Variants in SEMA3E observed in about 807,000 individuals in gnomAD.
SEMA3E encodes the protein semaphorin 3E.
In SEMA3E, 49 loss-of-function variants were observed where a neutral mutation model predicts 93.6. The observed-to-expected ratio is 0.52, with a 90% confidence interval of 0.42 to 0.66. The LOEUF is 0.66. Ranked by LOEUF, SEMA3E falls within the 30% of genes least tolerant of loss-of-function variation. The pLI, the probability that SEMA3E is intolerant of heterozygous loss-of-function variation, is 0.00. For missense variants in SEMA3E, 906 were observed against 964.8 expected (o/e 0.94, Z 0.81); for synonymous variants, 363 against 330.7 (o/e 1.10, Z -1.06).
At chr7:83,514,587 A>G (rs371651012) in intron 1 of SEMA3E, among the ~76,000 whole-genome samples, 7 of 152,294 alleles carry the variant, frequency 4.6e-5, no homozygotes, top group African/African-American at 7.2e-5. Flanking sequence ...TGCATACCAA[A>G]CATTAAATAT....
chr7:83,509,513 T>A (rs1003070136), intron 1 of SEMA3E, among the ~76,000 whole-genome samples: 2 of 152,182 alleles, frequency 1.3e-5, no homozygotes, highest in African/African-American at 2.4e-5. Context: ...AAATTTACCT[T>A]ACCCTTCCCC....
chr7:83,628,108 T>C (rs922110561), intron 1 of SEMA3E, among the ~76,000 whole-genome samples: 2 of 152,180 alleles, frequency 1.3e-5, no homozygotes, highest in African/African-American at 4.8e-5. Context: ...AATTCTGGGT[T>C]GAAAGTTCTT....
At chr7:83,544,950 C>A (rs1052041367) in intron 1 of SEMA3E, among the ~76,000 whole-genome samples, 1 of 151,880 alleles carries the variant, frequency 6.6e-6, no homozygotes, top group African/African-American at 2.4e-5. Context: ...TCCCAATTCA[C>A]AGGGATAATT....
chr7:83,505,115 T>A (rs1173462798), intron 1 of SEMA3E, among the ~76,000 whole-genome samples: 1 of 152,188 alleles, frequency 6.6e-6, no homozygotes, highest in Non-Finnish European at 1.5e-5. Flanking sequence ...TTTCCCATAT[T>A]TTATGCACAT....
At chr7:83,406,205 G>A (rs1788327402) in intron 7 of SEMA3E, 146 bp from the exon 8 acceptor site, 1 of 671,344 alleles carries the variant, frequency 1.5e-6, no homozygotes, top group Non-Finnish European at 2.7e-6. Flanking sequence ...TAATGTCATA[G>A]GTGCAACTCC....
At chr7:83,381,934 T>C (rs778255775) in intron 16 of SEMA3E, among the ~76,000 whole-genome samples, 200 of 151,998 alleles carry the variant, frequency 1.3e-3, no homozygotes, top group Non-Finnish European at 2.0e-3. Context: ...GTTCAAATTA[T>C]GGGCAGGTTC....
chr7:83,620,378 C>T (rs1793525550), intron 1 of SEMA3E, among the ~76,000 whole-genome samples: 1 of 152,022 alleles, frequency 6.6e-6, no homozygotes, highest in Non-Finnish European at 1.5e-5. Context: ...CAAAAACAGC[C>T]TAGGACCAGA....
intron 2 of SEMA3E, among the ~76,000 whole-genome samples, chr7:83,482,146 G>A (rs1483147113): frequency 6.6e-6 from 1 of 152,184 alleles, no homozygotes; most frequent in African/African-American, 2.4e-5. Flanking sequence ...CTGTTTGCCA[G>A]AGGAGAAGTG....
chr7:83,544,954 G>A (rs1317086277), intron 1 of SEMA3E, among the ~76,000 whole-genome samples: 2 of 151,932 alleles, frequency 1.3e-5, no homozygotes, highest in African/African-American at 4.8e-5. Flanking sequence ...AATTCACAGG[G>A]ATAATTAAAC....
At chr7:83,437,925 A>G (rs2115771881) in intron 4 of SEMA3E, among the ~76,000 whole-genome samples, 1 of 152,310 alleles carries the variant, frequency 6.6e-6, no homozygotes, top group South Asian at 2.1e-4. Context: ...CATAATAAGG[A>G]TAATAACTGC....
intron 16 of SEMA3E, among the ~76,000 whole-genome samples, chr7:83,382,504 C>A (rs949453772): frequency 4.6e-5 from 7 of 151,856 alleles, no homozygotes; most frequent in African/African-American, 1.7e-4. Context: ...CTAGGAATAA[C>A]CTGGTACCTA....
At chr7:83,581,939 C>A (rs1792526035) in intron 1 of SEMA3E, among the ~76,000 whole-genome samples, 3 of 151,862 alleles carry the variant, frequency 2.0e-5, no homozygotes, top group Non-Finnish European at 4.4e-5. Flanking sequence ...ATTGAATTAA[C>A]CTCAAAATAC....
At chr7:83,469,199 G>T in intron 3 of SEMA3E, 44 bp downstream of exon 3, 3 of 1,420,230 alleles carry the variant, frequency 2.1e-6, no homozygotes, top group Non-Finnish European at 3.0e-6. Flanking sequence ...GTTAACTAGG[G>T]ATATAATTGA....
intron 16 of SEMA3E, among the ~76,000 whole-genome samples, chr7:83,370,908 A>G (rs1794741189): frequency 6.6e-6 from 1 of 152,136 alleles, no homozygotes; most frequent in Admixed American, 6.6e-5. Context: ...CTGATTTAGA[A>G]CTTATTCAGA....
intron 2 of SEMA3E, among the ~76,000 whole-genome samples, chr7:83,479,565 T>C (rs1482011120): frequency 6.6e-6 from 1 of 152,174 alleles, no homozygotes; most frequent in Non-Finnish European, 1.5e-5. Flanking sequence ...ACAATGAAGA[T>C]AGTAAATATT....
intron 16 of SEMA3E, 39 bp downstream of exon 16, chr7:83,385,255 T>A (rs756256536): frequency 3.7e-6 from 6 of 1,609,976 alleles, no homozygotes; most frequent in Non-Finnish European, 5.1e-6. Context: ...ACACACTATA[T>A]GCAAAATACT....
intron 16 of SEMA3E, chr7:83,372,252 C>T (rs942166238): frequency 5.0e-6 from 2 of 397,774 alleles, no homozygotes; most frequent in African/African-American, 4.1e-5. Flanking sequence ...TGAAAGAGGG[C>T]TACATCACAG....
At chr7:83,573,103 C>T (rs1231846071) in intron 1 of SEMA3E, among the ~76,000 whole-genome samples, 1 of 116,976 alleles carries the variant, frequency 8.5e-6, no homozygotes, top group Non-Finnish European at 1.8e-5. Context: ...ATACAGCCTA[C>T]AGCCTACAGA....
intron 1 of SEMA3E, among the ~76,000 whole-genome samples, chr7:83,638,993 C>T (rs1162253111): frequency 1.3e-5 from 2 of 149,788 alleles, no homozygotes; most frequent in Non-Finnish European, 3.0e-5. Flanking sequence ...CGCCTGTAGT[C>T]CCAGCTACTT....
Sources: gnomAD v4.1 joint callset for allele counts (sites outside exome capture counted in the v4.1 genomes callset) on GRCh38, gnomAD v4.1.1 for gene constraint, MANE v1.5 for transcripts, NCBI Gene and HGNC (gene_info 2026-07-23, HGNC 2026-07-21) for gene names.